Variants in BRI3 observed in about 807,000 individuals in gnomAD.
The protein encoded by BRI3 is membrane protein BRI3.
BRI3 carries 6 observed loss-of-function variants against 12.8 expected under a neutral mutation model. The ratio of observed to expected loss-of-function variants is 0.47; its 90% CI spans 0.26 to 0.93. The LOEUF is 0.93. Ranked by LOEUF, BRI3 falls within the 40% of genes least tolerant of loss-of-function variation. The probability of loss-of-function intolerance (pLI) is 0.15; values close to 1 mark genes in which losing one functional copy is unlikely to be tolerated. For missense variants in BRI3, 134 were observed against 171.1 expected (o/e 0.78, Z 1.21); for synonymous variants, 91 against 76.1 (o/e 1.20, Z -1.02).
At chr7:98,323,401 A>G in the BRI3 span, 7 of 152,234 alleles carry the variant, frequency 4.6e-5, no homozygotes, top group Non-Finnish European at 1.0e-4. Context: ...TCTACTTAAA[A>G]TACATAAATA....
downstream of BRI3, chr7:98,293,209 GTTA>G (rs1800043425): frequency 9.8e-6 from 3 of 307,676 alleles, no homozygotes; most frequent in South Asian, 7.2e-5. Flanking sequence ...TATTCTGGCT[GTTA>G]TTAAGGAAAA....
chr7:98,286,173 C>G (rs1799705389), intron 2 of BRI3, among the ~76,000 whole-genome samples: 1 of 152,194 alleles, frequency 6.6e-6, no homozygotes, highest in Admixed American at 6.5e-5. Context: ...TGGACACACC[C>G]TCAGCTTCAG....
At chr7:98,317,730 G>C in the BRI3 span, among the ~76,000 whole-genome samples, 1 of 147,282 alleles carries the variant, frequency 6.8e-6, no homozygotes, top group Admixed American at 6.8e-5. Context: ...CACACCATCT[G>C]CATGTTGGCT....
downstream of BRI3, among the ~76,000 whole-genome samples, chr7:98,295,928 T>C (rs6970801): frequency 0.4 from 61,160 of 152,000 alleles, 13,428 homozygotes; most frequent in Middle Eastern, 0.54. Flanking sequence ...CACTCAGTGT[T>C]GGGCCAACCC....
At chr7:98,303,586 C>A (rs533620571), upstream of BRI3, among the ~76,000 whole-genome samples, 5 of 152,196 alleles carry the variant, frequency 3.3e-5, no homozygotes, top group African/African-American at 7.2e-5. Context: ...AGGCAGAGTC[C>A]GGCCTTGTTC....
chr7:98,291,211 C>T lies in BRI3; in HGVS notation c.346C>T (p.Arg116Ter), dbSNP rs773385746. Residue 116 changes from arginine (R) to a stop codon, truncating the protein, a stop_gained, in exon 3 of 3, where the codon CGA becomes TGA. Transcript: ENST00000297290. LOFTEE classifies it high-confidence loss of function. ...FICCFALRKR[R>*]CPNCGATFA ...TTGCTGTTTTGCCTTGAGGAAGCGA[C>T]GATGCCCCAACTGTGGAGCCACCTT... 6 of 1,613,684 alleles carry T rather than the reference C, an allele frequency of 3.7e-6. No individual in the cohort carries two copies. The highest frequency in any genetic ancestry group is 1.7e-5 in the Admixed American group (1 of 60,032).
At chr7:98,299,537 G>T (rs116768070) in intron 1 of BRI3, among the ~76,000 whole-genome samples, 2,695 of 151,584 alleles carry the variant, frequency 0.018, 84 homozygotes, top group African/African-American at 0.061. Flanking sequence ...TTTATATATA[G>T]AGAGAGATGG....
the BRI3 span, among the ~76,000 whole-genome samples, chr7:98,317,606 G>A: frequency 4.4e-4 from 66 of 150,566 alleles, no homozygotes; most frequent in East Asian, 4.4e-3. Flanking sequence ...AGTTCACACC[G>A]TCTGCATGCT....
chr7:98,319,641 G>A, the BRI3 span, among the ~76,000 whole-genome samples: 4 of 149,430 alleles, frequency 2.7e-5, no homozygotes, highest in Non-Finnish European at 4.4e-5. Context: ...CCGCCTCCCC[G>A]GTTCAAGCCA....
upstream of BRI3, among the ~76,000 whole-genome samples, chr7:98,305,161 G>A (rs1449484955): frequency 6.6e-6 from 1 of 150,584 alleles, no homozygotes; most frequent in Admixed American, 6.7e-5. Context: ...AAAGTGCTGG[G>A]ATTACAGGCA....
intron 2 of BRI3, among the ~76,000 whole-genome samples, chr7:98,285,652 T>C (rs1351533604): frequency 2.0e-5 from 3 of 152,152 alleles, no homozygotes; most frequent in Non-Finnish European, 4.4e-5. Flanking sequence ...GTGGCACTGC[T>C]GGGGTGGGTG....
the BRI3 span, chr7:98,315,626 AAT>A: frequency 3.1e-4 from 339 of 1,076,726 alleles, no homozygotes; most frequent in Admixed American, 2.0e-3. Context: ...AAAAAAAAAA[AAT>A]AATAATAATA....
downstream of BRI3, chr7:98,293,586 G>A: frequency 3.7e-6 from 6 of 1,613,736 alleles, no homozygotes; most frequent in Non-Finnish European, 5.1e-6. Context: ...GTGGCAAAGG[G>A]GTTTTCTCCG....
downstream of BRI3, chr7:98,292,556 G>A (rs1280194390): frequency 1.5e-6 from 2 of 1,345,138 alleles, no homozygotes; most frequent in Non-Finnish European, 2.1e-6. Flanking sequence ...AGGGCAGCCA[G>A]TGCGTAGTCC....
chr7:98,315,809 T>C, the BRI3 span, among the ~76,000 whole-genome samples: 1 of 152,148 alleles, frequency 6.6e-6, no homozygotes, highest in Non-Finnish European at 1.5e-5. Flanking sequence ...CTGACTCGTG[T>C]GCAGAGAGAA....
chr7:98,308,081 A>G (rs553009397), exon 2 of BRI3: 34 of 713,316 alleles, frequency 4.8e-5, no homozygotes, highest in African/African-American at 4.2e-4. Context: ...CTGTTGAGAA[A>G]CAGAGGCAGC....
At chr7:98,309,778 G>A (rs900084351) in exon 2 of BRI3, 2 of 151,326 alleles carry the variant, frequency 1.3e-5, no homozygotes, top group African/African-American at 4.9e-5. Context: ...CACAGGTCTC[G>A]AGGGTCCTGG....
At chr7:98,305,047 GTT>G (rs59633894), upstream of BRI3, among the ~76,000 whole-genome samples, 10 of 100,372 alleles carry the variant, frequency 1.0e-4, no homozygotes, top group African/African-American at 2.1e-4. Flanking sequence ...TTTGTTTTTT[GTT>G]TTTTTTTTTT....
chr7:98,296,093 G>A (rs890733379), downstream of BRI3, among the ~76,000 whole-genome samples: 5 of 152,110 alleles, frequency 3.3e-5, no homozygotes, highest in African/African-American at 1.2e-4. Context: ...ACCAGCTTCT[G>A]TGCAGACAGC....
Sources: gnomAD v4.1 joint callset for allele counts (sites outside exome capture counted in the v4.1 genomes callset) on GRCh38, gnomAD v4.1.1 for gene constraint, MANE v1.5 for transcripts, NCBI Gene and HGNC (gene_info 2026-07-23, HGNC 2026-07-21) for gene names.